The following RUSC2 variants were observed in gnomAD, a reference collection of about 807,000 sequenced individuals.
RUSC2 encodes the protein AP-4 complex accessory subunit RUSC2.
RUSC2 carries 34 observed loss-of-function variants against 122.2 expected under a neutral mutation model. The ratio of observed to expected loss-of-function variants is 0.28; its 90% confidence interval spans 0.21 to 0.37. The LOEUF is 0.37. RUSC2 is among the 10% of genes least tolerant of loss of function. The probability of loss-of-function intolerance (pLI) is 1.00; values close to 1 mark genes in which losing one functional copy is unlikely to be tolerated. For missense variants in RUSC2, 1,747 were observed against 1,952.4 expected (o/e 0.89, Z 1.98); for synonymous variants, 784 against 790.0 (o/e 0.99, Z 0.13).
In RUSC2 at chr9:35,547,881, C is replaced by T. The variant is rs1479495947; in HGVS notation, c.1360C>T (p.Gln454Ter). 6.2e-7 allele frequency: 1 copy of T among 1,614,212 alleles called. No individual in the cohort carries two copies. Among genetic ancestry groups the T allele is most frequent in the Admixed American group, 1.7e-5 (1 of 60,030 alleles). ...EYYLFQKPEVQPEEQEAVSSS... is the reference protein window; with the variant it reads ...EYYLFQKPEV ...TTACCTATTCCAGAAGCCAGAAGTC[C>T]AGCCAGAGGAACAAGAAGCAGTGAG... Residue 454 changes from glutamine (Q) to a stop codon, truncating the protein, a stop_gained, in exon 2 of 12, where the codon CAG (glutamine) becomes TAG (stop). Transcript: ENST00000361226. LOFTEE classifies it high-confidence loss of function. The surrounding 1 kb of genome is among the most constrained non-coding windows in gnomAD (Gnocchi z 4.6).
chr9:35,536,641 C>T (rs1280526010), intron 1 of RUSC2, among the ~76,000 whole-genome samples: 1 of 151,808 alleles, frequency 6.6e-6, no homozygotes, highest in Non-Finnish European at 1.5e-5. Context: ...GGCAAAACCC[C>T]GTCTCTTCTA....
chr9:35,501,451 C>T (rs1269410320), intron 1 of RUSC2, among the ~76,000 whole-genome samples: 2 of 152,168 alleles, frequency 1.3e-5, no homozygotes, highest in Admixed American at 6.5e-5. Flanking sequence ...GTGGGGGGCA[C>T]CTATAGTTCC....
chr9:35,516,014 A>AAAAAAAAAAG (rs1250707575), intron 1 of RUSC2, among the ~76,000 whole-genome samples: 1 of 149,730 alleles, frequency 6.7e-6, no homozygotes, highest in Non-Finnish European at 1.5e-5. Flanking sequence ...AAAAAAAAAA[A>AAAAAAAAAAG]AAAAAAAAAG....
rs781023461 is a variant in RUSC2 at position 35,560,169 on chromosome 9, C to G, written c.3529C>G (p.Arg1177Gly). Residue 1177 changes from arginine (R) to glycine (G), a missense_variant, in exon 10 of 12, where the codon CGG becomes GGG. Arg to Gly is a moderately radical substitution (Grantham distance 125). Transcript: ENST00000361226. ...CAGCCTCGACTTGCTGTTCCAGCAC[C>G]GGCTGCTGCAAAGTGGGCAGCAGCA... ...PFSLDLLFQH[R>G]LLQSGQQQRQ... 6.2e-7 allele frequency: 1 copy of G among 1,607,606 alleles called. No homozygotes were observed. Among genetic ancestry groups the G allele is most frequent in the South Asian group, 1.1e-5 (1 of 91,086 alleles).
At chr9:35,524,912 A>G (rs1250745442) in intron 1 of RUSC2, among the ~76,000 whole-genome samples, 1 of 151,844 alleles carries the variant, frequency 6.6e-6, no homozygotes, top group East Asian at 1.9e-4. Flanking sequence ...TGGAGCTTGC[A>G]GTAAGCCAAG....
intron 1 of RUSC2, among the ~76,000 whole-genome samples, chr9:35,520,890 T>C (rs1187478424): frequency 6.6e-6 from 1 of 152,190 alleles, no homozygotes; most frequent in East Asian, 1.9e-4. Context: ...TGGGCCTTAC[T>C]CACTGCTGCT....
intron 1 of RUSC2, among the ~76,000 whole-genome samples, chr9:35,510,372 CAG>C (rs1375850669): frequency 6.6e-6 from 1 of 152,130 alleles, no homozygotes; most frequent in East Asian, 1.9e-4. Context: ...AAAGAGAAAA[CAG>C]ATAATTTTAA....
chr9:35,556,477 G>T, intron 5 of RUSC2, 29 bp downstream of exon 5: 2 of 1,606,804 alleles, frequency 1.2e-6, no homozygotes, highest in South Asian at 2.2e-5. Flanking sequence ...TCAGGCCAGG[G>T]ACTCTGCTGT....
At chr9:35,490,377 T>C (rs1351821465) in intron 1 of RUSC2, among the ~76,000 whole-genome samples, 1 of 151,838 alleles carries the variant, frequency 6.6e-6, no homozygotes, top group Non-Finnish European at 1.5e-5. Flanking sequence ...TTCTGACCCT[T>C]GGCCTTCTCC....
intron 1 of RUSC2, among the ~76,000 whole-genome samples, chr9:35,536,825 A>AT (rs1398682947): frequency 6.6e-6 from 1 of 151,392 alleles, no homozygotes; most frequent in African/African-American, 2.4e-5. Flanking sequence ...AAAAAAAAAA[A>AT]AAAAAGAATA....
chr9:35,508,293 G>A (rs1410149284), intron 1 of RUSC2, among the ~76,000 whole-genome samples: 3 of 152,158 alleles, frequency 2.0e-5, no homozygotes. Context: ...ATCACAATTG[G>A]TTGCTTACTC....
In RUSC2 at chr9:35,560,094, C is replaced by G; in HGVS notation, c.3454C>G (p.Leu1152Val). The change falls in exon 10 of 12, where the codon CTC (leucine) becomes GTC (valine). Residue 1152 changes from leucine (L) to valine (V), a missense_variant. Physicochemically the swap from Leu to Val is conservative, Grantham distance 32. Transcript: ENST00000361226. Reference sequence around the variant, plus strand: ...TGCAGCTCATACCGTGTGTCCCGGCCTCTTTGAAGAGCTGCTGCTGCTGCT... The same window carrying G: ...TGCAGCTCATACCGTGTGTCCCGGCGTCTTTGAAGAGCTGCTGCTGCTGCT... Reference protein sequence around the residue: ...LSAAHTVCPGLFEELLLLLQP... With the variant: ...LSAAHTVCPGVFEELLLLLQP... The G allele has an allele frequency of 6.2e-7, 1 of 1,613,834 alleles. No homozygotes were observed. Among genetic ancestry groups the G allele is most frequent in the Non-Finnish European group, 8.5e-7 (1 of 1,179,982 alleles).
At chr9:35,528,757 C>T (rs974481941) in intron 1 of RUSC2, among the ~76,000 whole-genome samples, 1 of 152,262 alleles carries the variant, frequency 6.6e-6, no homozygotes, top group East Asian at 1.9e-4. Context: ...CTTCTCTCCT[C>T]AGTCTCTCAA....
At chr9:35,535,111 T>G (rs1254759176) in intron 1 of RUSC2, among the ~76,000 whole-genome samples, 1 of 152,152 alleles carries the variant, frequency 6.6e-6, no homozygotes, top group Non-Finnish European at 1.5e-5. Flanking sequence ...TACTTCTTTG[T>G]TGCCTAAGCT....
chr9:35,558,655 G>A lies in RUSC2; in HGVS notation c.3341+88G>A. 9.0e-7 allele frequency: 1 copy of A among 1,112,306 alleles called. No homozygotes were observed. Among genetic ancestry groups the A allele is most frequent in the Non-Finnish European group, 1.4e-6 (1 of 731,276 alleles). 68.9% of individuals were successfully genotyped at this position (1,112,306 alleles called of 1,614,324 possible). The stretch of plus-strand genomic sequence containing the variant: ...GCCTGCACCAAGGAAACAACGCCCT[G>A]GACAGACAGAAAGGGTGGATCTGGA... On this transcript the variant is annotated intron_variant, in intron 8 of 11. Coordinates refer to ENST00000361226, the MANE Select transcript of RUSC2 (RefSeq NM_014806.5). The surrounding 1 kb of genome is among the most constrained non-coding windows in gnomAD (Gnocchi z 4.3).
At chr9:35,517,431 G>T (rs974416930) in intron 1 of RUSC2, among the ~76,000 whole-genome samples, 2 of 152,086 alleles carry the variant, frequency 1.3e-5, no homozygotes, top group Non-Finnish European at 2.9e-5. Context: ...GGCCTTTTAG[G>T]CTATGTTCCA....
rs1027570119 is a variant in RUSC2 at position 35,558,115 on chromosome 9, G to A, written c.3061-82G>A. On this transcript the variant is annotated intron_variant, in intron 6 of 11. Coordinates refer to ENST00000361226, the MANE Select transcript of RUSC2 (RefSeq NM_014806.5). The surrounding 1 kb of genome is among the most constrained non-coding windows in gnomAD (Gnocchi z 4.3). ...GGGTACTTAGGAATGGGGACGGCAA[G>A]AGGGGAACCATGAGGGCCTGCTACG... 1 of 1,590,210 alleles carries A rather than the reference G, an allele frequency of 6.3e-7. No individual in the cohort carries two copies. The highest frequency in any genetic ancestry group is 1.1e-5 in the South Asian group (1 of 89,958).
At chr9:35,534,492 ATTTT>A (rs1336230581) in intron 1 of RUSC2, among the ~76,000 whole-genome samples, 1 of 149,702 alleles carries the variant, frequency 6.7e-6, no homozygotes, top group Non-Finnish European at 1.5e-5. Flanking sequence ...TTACTTATTT[ATTTT>A]TTTGAGACAG....
At chr9:35,536,930 G>A (rs1451586288) in intron 1 of RUSC2, among the ~76,000 whole-genome samples, 1 of 152,094 alleles carries the variant, frequency 6.6e-6, no homozygotes, top group African/African-American at 2.4e-5. Flanking sequence ...AGGAGGAGTG[G>A]CATGTTGAAG....
Sources: gnomAD v4.1 joint callset for allele counts (sites outside exome capture counted in the v4.1 genomes callset) on GRCh38, gnomAD v4.1.1 for gene constraint, Gnocchi (gnomAD v3.1) non-coding constraint, MANE v1.5 for transcripts, NCBI Gene and HGNC (gene_info 2026-07-23, HGNC 2026-07-21) for gene names.